The following SLC24A2 variants were observed in gnomAD, a reference collection of about 807,000 sequenced individuals.
SLC24A2 encodes solute carrier family 24 member 2.
Under a neutral mutation model 62.0 loss-of-function variants are expected in SLC24A2, and 36 were observed. That is an observed-to-expected ratio of 0.58 (90% CI 0.44 to 0.77). SLC24A2 has a LOEUF of 0.77. Ranked by LOEUF, SLC24A2 falls within the 30% of genes least tolerant of loss-of-function variation. The pLI, the probability that SLC24A2 is intolerant of heterozygous loss-of-function variation, is 0.00. For synonymous variants in SLC24A2, 358 were observed against 294.0 expected (o/e 1.22, Z -2.23); for missense variants, 846 against 817.9 (o/e 1.03, Z -0.42).
intron 4 of SLC24A2, among the ~76,000 whole-genome samples, chr9:19,618,844 A>G (rs1194163946): frequency 1.3e-5 from 2 of 152,216 alleles, no homozygotes; most frequent in Non-Finnish European, 2.9e-5. Context: ...GACAAAACTA[A>G]TATTTATTTG....
chr9:20,125,302 A>C, the SLC24A2 span, among the ~76,000 whole-genome samples: 3 of 152,216 alleles, frequency 2.0e-5, no homozygotes, highest in African/African-American at 7.2e-5. Context: ...ACAGATGAGG[A>C]AACTAAGGCT....
the SLC24A2 span, among the ~76,000 whole-genome samples, chr9:20,050,240 C>CGAGAAA: frequency 1.7e-5 from 1 of 59,560 alleles, no homozygotes; most frequent in Admixed American, 1.8e-4. Context: ...CCCGTCTCTA[C>CGAGAAA]AAAAAAAAAA....
chr9:19,661,462 A>G (rs1265310226), intron 2 of SLC24A2, among the ~76,000 whole-genome samples: 1 of 152,120 alleles, frequency 6.6e-6, no homozygotes, highest in Non-Finnish European at 1.5e-5. Flanking sequence ...GTCAGAATTT[A>G]TTGTAAAATC....
At chr9:19,613,974 T>C (rs556746677) in intron 4 of SLC24A2, among the ~76,000 whole-genome samples, 24 of 152,318 alleles carry the variant, frequency 1.6e-4, no homozygotes, top group African/African-American at 4.8e-4. Context: ...AGATGGTTTA[T>C]ATAAAGCACT....
At chr9:19,804,307 G>T in the SLC24A2 span, among the ~76,000 whole-genome samples, 1 of 151,956 alleles carries the variant, frequency 6.6e-6, no homozygotes, top group African/African-American at 2.4e-5. Context: ...TTTCAAAAAT[G>T]TTTTGTACCT....
chr9:20,301,166 A>C, the SLC24A2 span, among the ~76,000 whole-genome samples: 2 of 152,218 alleles, frequency 1.3e-5, no homozygotes, highest in African/African-American at 4.8e-5. Context: ...CTCTACCTCC[A>C]GTATCTTCTT....
the SLC24A2 span, among the ~76,000 whole-genome samples, chr9:19,962,587 T>A: frequency 3.3e-5 from 5 of 152,202 alleles, 1 homozygote; most frequent in Non-Finnish European, 7.3e-5. Context: ...CCGTCCCTTG[T>A]AAGTTGGATT....
the SLC24A2 span, among the ~76,000 whole-genome samples, chr9:19,948,496 A>G: frequency 2.0e-5 from 3 of 152,256 alleles, no homozygotes; most frequent in Non-Finnish European, 4.4e-5. Context: ...TGAGAACAGT[A>G]TTTCCAACTT....
the SLC24A2 span, among the ~76,000 whole-genome samples, chr9:20,141,742 C>A: frequency 6.6e-5 from 10 of 151,966 alleles, no homozygotes; most frequent in Non-Finnish European, 8.8e-5. Context: ...CCTTCCATCA[C>A]CCCAACCTCT....
At chr9:20,238,882 G>A in the SLC24A2 span, among the ~76,000 whole-genome samples, 1 of 152,148 alleles carries the variant, frequency 6.6e-6, no homozygotes, top group Non-Finnish European at 1.5e-5. Context: ...TATAAGAAGA[G>A]GAAAAGAGAG....
chr9:19,926,583 A>G, the SLC24A2 span: 2 of 152,392 alleles, frequency 1.3e-5, no homozygotes, highest in Non-Finnish European at 2.9e-5. Context: ...ATAAAAAAAA[A>G]AAAAGAAAAA....
intron 6 of SLC24A2, among the ~76,000 whole-genome samples, chr9:19,574,506 G>A (rs978342313): frequency 6.6e-6 from 1 of 152,094 alleles, no homozygotes; most frequent in African/African-American, 2.4e-5. Context: ...CTGTAAAACT[G>A]GGGTGATGGT....
the SLC24A2 span, among the ~76,000 whole-genome samples, chr9:19,906,705 T>A: frequency 6.6e-6 from 1 of 152,082 alleles, no homozygotes; most frequent in African/African-American, 2.4e-5. Context: ...AACACCTCTA[T>A]GCAAAAAAAC....
intron 2 of SLC24A2, among the ~76,000 whole-genome samples, chr9:19,674,983 A>C (rs1208321381): frequency 1.1e-4 from 16 of 152,100 alleles, no homozygotes. Flanking sequence ...ATTTGAGTAC[A>C]CTATGTCAGA....
intron 8 of SLC24A2, among the ~76,000 whole-genome samples, chr9:19,533,127 T>A (rs191529056): frequency 1.3e-5 from 2 of 152,174 alleles, no homozygotes; most frequent in Non-Finnish European, 2.9e-5. Flanking sequence ...AAATAAAAGC[T>A]AGTGGGAGTA....
At chr9:20,023,783 A>G in the SLC24A2 span, among the ~76,000 whole-genome samples, 1 of 152,200 alleles carries the variant, frequency 6.6e-6, no homozygotes. Context: ...AACAAACTGG[A>G]AAGGAAAACA....
chr9:20,068,719 G>C, the SLC24A2 span, among the ~76,000 whole-genome samples: 1 of 152,062 alleles, frequency 6.6e-6, no homozygotes, highest in Non-Finnish European at 1.5e-5. Flanking sequence ...TAAAATATAG[G>C]GGATTTGTTT....
At chr9:20,181,364 C>CTAT in the SLC24A2 span, among the ~76,000 whole-genome samples, 9 of 152,238 alleles carry the variant, frequency 5.9e-5, 1 homozygote, top group South Asian at 1.9e-3. Context: ...CATAAAGAAG[C>CTAT]GTGGTAGATG....
At chr9:19,797,666 T>A in the SLC24A2 span, among the ~76,000 whole-genome samples, 114,344 of 152,078 alleles carry the variant, frequency 0.75, 46,100 homozygotes, top group Non-Finnish European at 0.91. Flanking sequence ...GCCAGCAGTA[T>A]GAGAGCTGAG....
Sources: gnomAD v4.1 joint callset for allele counts (sites outside exome capture counted in the v4.1 genomes callset) on GRCh38, gnomAD v4.1.1 for gene constraint, MANE v1.5 for transcripts, NCBI Gene and HGNC (gene_info 2026-07-23, HGNC 2026-07-21) for gene names.